BMPR2: variants seen among roughly 807,000 people sequenced by gnomAD.
BMPR2 encodes bone morphogenetic protein receptor type 2.
BMPR2 carries 29 observed loss-of-function variants against 100.8 expected under a neutral mutation model. The observed-to-expected ratio is 0.29, with a 90% CI of 0.21 to 0.39. The LOEUF (loss-of-function observed/expected upper bound fraction) is 0.39, where lower values mean the gene tolerates loss of function less well. BMPR2 is among the 10% of genes least tolerant of loss of function. BMPR2 has a pLI of 1.00. For missense variants in BMPR2, 1,011 were observed against 1,274.5 expected (o/e 0.79, Z 3.15); for synonymous variants, 382 against 442.3 (o/e 0.86, Z 1.71).
chr2:202,499,326 G>A (rs925651158), intron 3 of BMPR2, among the ~76,000 whole-genome samples: 9 of 149,798 alleles, frequency 6.0e-5, no homozygotes, highest in African/African-American at 2.0e-4. Flanking sequence ...GCTGCAGCCC[G>A]AGAGTTTGGA....
rs576164586 is a variant in BMPR2, at chr2:202,492,975, T to C, written c.419-20744T>C. ...GTTCAATCAGTAAATAACTGGAAGA[T>C]ACAGCTTTCACTTTGATAGTCAAAT... is the stretch of plus-strand genomic sequence containing the variant. On this transcript the variant is annotated intron_variant, in intron 3 of 12. Coordinates refer to ENST00000374580, the MANE Select transcript of BMPR2 (RefSeq NM_001204.7). Among the ~76,000 whole-genome samples, 47 of 152,178 alleles carry C rather than the reference T, an allele frequency of 3.1e-4. 1 individual carries two copies. Among genetic ancestry groups the C allele is most frequent in the Non-Finnish European group, 5.7e-4 (39 of 68,022 alleles).
At chr2:202,494,467 T>A (rs1692975572) in intron 3 of BMPR2, among the ~76,000 whole-genome samples, 1 of 152,232 alleles carries the variant, frequency 6.6e-6, no homozygotes, top group Non-Finnish European at 1.5e-5. Context: ...GGCCCCCGCC[T>A]GGCTCCAGGA....
intron 7 of BMPR2, 112 bp downstream of exon 7, chr2:202,520,313 T>A: frequency 1.3e-6 from 1 of 787,650 alleles, no homozygotes; most frequent in African/African-American, 1.7e-5. Flanking sequence ...GGAGATTTAT[T>A]ATTAGTCAGT....
In BMPR2 at chr2:202,460,947, C is replaced by G. The variant is rs371043800; in HGVS notation, c.77-3862C>G. Among the ~76,000 whole-genome samples the G allele has an allele frequency of 1.9e-3, 283 of 151,834 alleles. 1 individual carries two copies. The highest frequency in any genetic ancestry group is 6.4e-3 in the African/African-American group (265 of 41,420). ...TTCACCATAGCCCTGAACTCCTGGG[C>G]TCCAGCTATCCATCTGCCTCAGCCT... On this transcript the variant is annotated intron_variant, in intron 1 of 12. Coordinates refer to ENST00000374580, the MANE Select transcript of BMPR2 (RefSeq NM_001204.7).
intron 11 of BMPR2, among the ~76,000 whole-genome samples, chr2:202,554,282 A>G (rs1688526384): frequency 6.6e-6 from 1 of 151,998 alleles, no homozygotes; most frequent in South Asian, 2.1e-4. Flanking sequence ...TTTATTTTGA[A>G]TGCTTTCAAA....
At chr2:202,424,958 CA>C (rs1691356049) in intron 1 of BMPR2, among the ~76,000 whole-genome samples, 1 of 151,156 alleles carries the variant, frequency 6.6e-6, no homozygotes, top group African/African-American at 2.5e-5. Flanking sequence ...ATTGAGCAAA[CA>C]TTTTTTTTTT....
chr2:202,478,521 G>C (rs1197509310), intron 3 of BMPR2, among the ~76,000 whole-genome samples: 2 of 152,190 alleles, frequency 1.3e-5, no homozygotes, highest in Non-Finnish European at 2.9e-5. Context: ...TGTTTGGAAG[G>C]CTGAGGTGGG....
intron 7 of BMPR2, among the ~76,000 whole-genome samples, chr2:202,528,464 G>A (rs1345990694): frequency 6.6e-6 from 1 of 152,184 alleles, no homozygotes; most frequent in East Asian, 1.9e-4. Flanking sequence ...TGGGATTACA[G>A]GCGTGAGCCA....
chr2:202,544,656 A>AG (rs760235581), intron 10 of BMPR2, among the ~76,000 whole-genome samples: 3 of 151,604 alleles, frequency 2.0e-5, no homozygotes, highest in Non-Finnish European at 2.9e-5. Context: ...TGATGTTTGT[A>AG]GGCATGGATC....
At chr2:202,518,018 G>C (rs1469193815) in intron 5 of BMPR2, among the ~76,000 whole-genome samples, 2 of 145,056 alleles carry the variant, frequency 1.4e-5, no homozygotes, top group African/African-American at 5.1e-5. Flanking sequence ...AGTAGAGATG[G>C]GGTTTTACCG....
chr2:202,518,741 T>G, intron 5 of BMPR2, 81 bp from the exon 6 acceptor site: 2 of 1,126,524 alleles, frequency 1.8e-6, no homozygotes, highest in South Asian at 1.3e-5. Context: ...AGCATTCTGT[T>G]TAAATTTGTA....
At chr2:202,496,635 C>T (rs529067411) in intron 3 of BMPR2, among the ~76,000 whole-genome samples, 1 of 152,330 alleles carries the variant, frequency 6.6e-6, no homozygotes, top group South Asian at 2.1e-4. Flanking sequence ...GAAAAACCAC[C>T]AATACCTCAT....
At chr2:202,460,060 T>C (rs1168963412) in intron 1 of BMPR2, among the ~76,000 whole-genome samples, 1 of 152,214 alleles carries the variant, frequency 6.6e-6, no homozygotes, top group Non-Finnish European at 1.5e-5. Flanking sequence ...CACAACGATA[T>C]ATCATCTCAC....
At chr2:202,484,622 G>A (rs534166560) in intron 3 of BMPR2, among the ~76,000 whole-genome samples, 272 of 150,644 alleles carry the variant, frequency 1.8e-3, no homozygotes, top group Non-Finnish European at 3.0e-3. Context: ...GCAGTGAGCC[G>A]AGATCGCGCC....
At chr2:202,398,058 A>G (rs1690689652) in intron 1 of BMPR2, among the ~76,000 whole-genome samples, 1 of 151,644 alleles carries the variant, frequency 6.6e-6, no homozygotes, top group Non-Finnish European at 1.5e-5. Flanking sequence ...GCGGTGAGCC[A>G]AAATTGCACC....
At chr2:202,527,098 A>AG (rs1687928668) in intron 7 of BMPR2, among the ~76,000 whole-genome samples, 2 of 152,046 alleles carry the variant, frequency 1.3e-5, no homozygotes, top group Admixed American at 1.3e-4. Context: ...TCCTGACCTC[A>AG]GGTGATCCAC....
At position 202,542,396 on chromosome 2, in the gene BMPR2, T is replaced by C. The variant is rs2106030936; in HGVS notation, c.1362T>C (p.Ser454=). The C allele has an allele frequency of 1.2e-6, 2 of 1,614,116 alleles. No individual in the cohort carries two copies. Among genetic ancestry groups the C allele is most frequent in the Non-Finnish European group, 1.7e-6 (2 of 1,180,014 alleles). Residue 454 remains serine, a synonymous_variant, in exon 10 of 13, where the codon TCT becomes TCC. Coordinates refer to ENST00000374580, the MANE Select transcript of BMPR2 (RefSeq NM_001204.7). ...TTGAGGATATGCAGGTTCTCGTGTCTAGGGAAAAACAGAGACCCAAGTTCC... is the reference window on the plus strand; with the variant it reads ...TTGAGGATATGCAGGTTCTCGTGTCCAGGGAAAAACAGAGACCCAAGTTCC... ...PTFEDMQVLV[S]REKQRPKFPE...
intron 9 of BMPR2, among the ~76,000 whole-genome samples, chr2:202,538,903 A>T (rs966400936): frequency 1.2e-4 from 19 of 152,176 alleles, no homozygotes; most frequent in African/African-American, 4.3e-4. Flanking sequence ...AAATTTTTAA[A>T]GACAATTAAA....
At chr2:202,493,765 C>T (rs985169908) in intron 3 of BMPR2, among the ~76,000 whole-genome samples, 38 of 152,074 alleles carry the variant, frequency 2.5e-4, no homozygotes, top group African/African-American at 8.4e-4. Flanking sequence ...AACCTTTTGG[C>T]GGGGGTGGAA....
Sources: allele counts gnomAD v4.1 joint callset (sites outside exome capture counted in the v4.1 genomes callset), GRCh38; gene constraint gnomAD v4.1.1; transcripts MANE v1.5; gene names NCBI Gene and HGNC (gene_info 2026-07-23, HGNC 2026-07-21).